LETM1: variants seen among roughly 807,000 people sequenced by gnomAD.
LETM1 encodes mitochondrial proton/calcium exchanger protein.
In LETM1, 50 loss-of-function variants were observed where a neutral mutation model predicts 74.5. That is an observed-to-expected ratio of 0.67 (90% CI 0.53 to 0.85). LETM1 has a LOEUF of 0.85. LETM1 is among the 40% of genes least tolerant of loss of function. The pLI is 0.00. For synonymous variants in LETM1, 446 were observed against 407.1 expected (o/e 1.10, Z -1.15); for missense variants, 824 against 967.8 (o/e 0.85, Z 1.97).
At chr4:1,851,942 G>A (rs1713083537) in intron 1 of LETM1, among the ~76,000 whole-genome samples, 2 of 152,180 alleles carry the variant, frequency 1.3e-5, no homozygotes, top group South Asian at 4.1e-4. Context: ...GCTCTCCAAG[G>A]AACCCCCAGT....
intron 1 of LETM1, among the ~76,000 whole-genome samples, chr4:1,853,387 G>A (rs978609053): frequency 2.0e-5 from 3 of 152,236 alleles, no homozygotes; most frequent in African/African-American, 7.2e-5. Flanking sequence ...ACTGATCAAG[G>A]TCAACATCAA....
At position 1,848,730 on chromosome 4, in the gene LETM1, A is replaced by G. The variant is rs76699203; in HGVS notation, c.143+419T>C. Reference sequence around the variant, plus strand: ...GGCTCTGTCTCAAAAAAAAAAAAAAAAAAAAAGAAAAAAAAAAAGTCGCAG... The same window carrying G: ...GGCTCTGTCTCAAAAAAAAAAAAAAGAAAAAAGAAAAAAAAAAAGTCGCAG... On this transcript the variant is annotated intron_variant, in intron 2 of 13. Coordinates refer to ENST00000302787, the MANE Select transcript of LETM1 (RefSeq NM_012318.3). Among the ~76,000 whole-genome samples, 923 of 150,706 alleles carry G rather than the reference A, an allele frequency of 6.1e-3. 12 individuals carry two copies. Among genetic ancestry groups the G allele is most frequent in the African/African-American group, 0.021 (872 of 41,118 alleles).
intron 6 of LETM1, among the ~76,000 whole-genome samples, chr4:1,828,354 G>T (rs1216877674): frequency 8.3e-6 from 1 of 120,816 alleles, no homozygotes; most frequent in African/African-American, 3.4e-5. Context: ...CCTCCCGGAC[G>T]GGGCGGCTGG....
At chr4:1,837,699 GTTT>G (rs1156556783) in intron 3 of LETM1, among the ~76,000 whole-genome samples, 33 of 125,740 alleles carry the variant, frequency 2.6e-4, no homozygotes, top group African/African-American at 7.9e-4. Flanking sequence ...AAATTTACAA[GTTT>G]TTTTTTTTTT....
rs572170622 is a variant in LETM1, at chr4:1,821,123, A to ATT, written c.1608+1056_1608+1057dup. 4.4e-4 allele frequency among the ~76,000 whole-genome samples: 62 copies of ATT among 141,044 alleles called. 1 individual carries two copies. Among genetic ancestry groups the ATT allele is most frequent in the Non-Finnish European group, 5.1e-4 (33 of 64,460 alleles). 92.5% of individuals were successfully genotyped at this position (141,044 alleles called of 152,430 possible). The stretch of plus-strand genomic sequence containing the variant: ...TCTATTTGATTTGCTAAAAAGTGAA[A>ATT]TTTTTTTTTTTTTTTTTTGAGACAG... On this transcript the variant is annotated intron_variant, in intron 10 of 13. Transcript: ENST00000302787.
chr4:1,836,672 C>A lies in LETM1; in HGVS notation c.595-100G>T, dbSNP rs1173355759. Reference sequence around the variant, plus strand: ...CTATAATGGTTTATAGGCACAACCTCAGGCAGCGACTCACAGGACCCACTG... The same window carrying A: ...CTATAATGGTTTATAGGCACAACCTAAGGCAGCGACTCACAGGACCCACTG... On this transcript the variant is annotated intron_variant, in intron 3 of 13. Transcript: ENST00000302787. This position sits in a 1 kb window ranked among gnomAD's most constrained non-coding sequence, Gnocchi z 5.8. The A allele has an allele frequency of 7.6e-7, 1 of 1,308,858 alleles. No individual in the cohort carries two copies. 81.1% of individuals were successfully genotyped at this position (1,308,858 alleles called of 1,614,324 possible).
At chr4:1,839,250 G>A (rs987139188) in intron 3 of LETM1, 1 of 152,168 alleles carries the variant, frequency 6.6e-6, no homozygotes, top group Admixed American at 6.6e-5. Context: ...TGGCAGATGT[G>A]GAACCTTGGG....
At chr4:1,835,867 C>T (rs191376698) in intron 4 of LETM1, among the ~76,000 whole-genome samples, 7 of 152,104 alleles carry the variant, frequency 4.6e-5, no homozygotes, top group African/African-American at 1.7e-4. Context: ...TACTTGTGCC[C>T]AGGAGTTTGA....
intron 13 of LETM1, 21 bp downstream of exon 13, chr4:1,815,643 G>A (rs761583064): frequency 1.4e-5 from 23 of 1,613,270 alleles, no homozygotes; most frequent in Middle Eastern, 1.7e-4. Flanking sequence ...GATGGCCTGC[G>A]TGGTCCCCAG....
chr4:1,822,105 T>G, intron 10 of LETM1, 76 bp downstream of exon 10: 2 of 1,319,966 alleles, frequency 1.5e-6, no homozygotes, highest in Non-Finnish European at 2.0e-6. Context: ...CCTGTCCCCA[T>G]CCCTGCCCCA....
chr4:1,838,550 G>A (rs949169836), intron 3 of LETM1, among the ~76,000 whole-genome samples: 6 of 152,164 alleles, frequency 3.9e-5, no homozygotes, highest in Admixed American at 1.3e-4. Context: ...GACAGCGTGC[G>A]TCTGTGGTCC....
Position 1,815,724 on chromosome 4 carries a change from G to A in LETM1, c.2010C>T (p.Ser670=). The A allele has an allele frequency of 6.2e-7, 1 of 1,614,244 alleles. No homozygotes were observed. The highest frequency in any genetic ancestry group is 1.7e-5 in the Admixed American group (1 of 60,030). ...VKHIPESKLT[S]LAAALDENKD... is the part of the protein sequence containing the mutation. The stretch of plus-strand genomic sequence containing the variant: ...TGTTTTCATCCAGTGCTGCGGCCAG[G>A]CTGGTGAGCTTGCTTTCGGGAATGT... Residue 670 remains serine (S), a synonymous_variant, in exon 13 of 14, where the codon AGC becomes AGT. Transcript: ENST00000302787.
chr4:1,838,718 C>A (rs991107685), intron 3 of LETM1, among the ~76,000 whole-genome samples: 1 of 152,008 alleles, frequency 6.6e-6, no homozygotes, highest in African/African-American at 2.4e-5. Flanking sequence ...GCCACAAAAA[C>A]GTAATATAAA....
chr4:1,843,650 T>TG (rs1318898028), intron 2 of LETM1, among the ~76,000 whole-genome samples: 1 of 152,118 alleles, frequency 6.6e-6, no homozygotes, highest in Non-Finnish European at 1.5e-5. Flanking sequence ...TGGACACCAA[T>TG]GAGGCCTGGG....
intron 6 of LETM1, among the ~76,000 whole-genome samples, chr4:1,831,306 T>C (rs1224253597): frequency 1.3e-5 from 2 of 152,192 alleles, no homozygotes; most frequent in Non-Finnish European, 2.9e-5. Flanking sequence ...AGGCTCCCCA[T>C]CCAGCCTCCA....
At chr4:1,822,932 C>G in intron 9 of LETM1, 56 bp downstream of exon 9, 14 of 1,327,652 alleles carry the variant, frequency 1.1e-5, no homozygotes, top group East Asian at 2.9e-5. Context: ...GCGGGGGTTT[C>G]TAGGGAGGCT....
At chr4:1,817,505 G>A (rs1249535131) in intron 11 of LETM1, among the ~76,000 whole-genome samples, 1 of 152,140 alleles carries the variant, frequency 6.6e-6, no homozygotes, top group Non-Finnish European at 1.5e-5. Context: ...AGGCTGCAGT[G>A]AGCCAAGATC....
rs771149068 is a variant in LETM1, at chr4:1,841,569, G to C, written c.372C>G (p.Leu124=). 2.5e-6 allele frequency: 4 copies of C among 1,614,110 alleles called. No individual in the cohort carries two copies. The highest frequency in any genetic ancestry group is 1.6e-4 in the Middle Eastern group (1 of 6,084). ...VRDDSVVEKS[L]KSLKDKNKKL... Reference sequence around the variant, plus strand: ...TCTTGTTCTTGTCCTTCAAGGACTTGAGGGACTTCTCTACTACCGAGTCAT... The same window carrying C: ...TCTTGTTCTTGTCCTTCAAGGACTTCAGGGACTTCTCTACTACCGAGTCAT... The change falls in exon 3 of 14, where the codon CTC becomes CTG. Residue 124 remains leucine, a synonymous_variant. Transcript: ENST00000302787.
intron 6 of LETM1, among the ~76,000 whole-genome samples, chr4:1,831,044 C>T (rs769725826): frequency 2.0e-4 from 30 of 152,200 alleles, no homozygotes; most frequent in Non-Finnish European, 4.0e-4. Flanking sequence ...CAAACCCTAA[C>T]GTCTGTGTTT....
Sources: allele counts gnomAD v4.1 joint callset (sites outside exome capture counted in the v4.1 genomes callset), GRCh38; gene constraint gnomAD v4.1.1; non-coding constraint Gnocchi (gnomAD v3.1); transcripts MANE v1.5; gene names NCBI Gene and HGNC (gene_info 2026-07-23, HGNC 2026-07-21).